GALNT8: variants seen among roughly 807,000 people sequenced by gnomAD.
GALNT8 encodes the protein polypeptide N-acetylgalactosaminyltransferase 8.
In GALNT8, 66 loss-of-function variants were observed where a neutral mutation model predicts 62.7. The ratio of observed to expected loss-of-function variants is 1.05; its 90% CI spans 0.86 to 1.29. The LOEUF is 1.29. GALNT8 is among the 50% of genes most tolerant of loss of function. GALNT8 has a pLI of 0.00. For synonymous variants in GALNT8, 288 were observed against 294.3 expected (o/e 0.98, Z 0.22); for missense variants, 771 against 791.8 (o/e 0.97, Z 0.32).
At chr12:4,745,176 C>T (rs191562234) in intron 4 of GALNT8, among the ~76,000 whole-genome samples, 212 of 152,292 alleles carry the variant, frequency 1.4e-3, no homozygotes, top group Non-Finnish European at 1.4e-3. Context: ...TGCTGCTTCA[C>T]AACGGCCTGG....
intron 3 of GALNT8, among the ~76,000 whole-genome samples, chr12:4,739,733 C>T (rs1374956759): frequency 6.8e-6 from 1 of 147,782 alleles, no homozygotes. Flanking sequence ...GGTGGGATCT[C>T]GGCTCACTGC....
intron 6 of GALNT8, among the ~76,000 whole-genome samples, chr12:4,752,163 T>A (rs1338654285): frequency 1.3e-5 from 2 of 152,130 alleles, no homozygotes; most frequent in Non-Finnish European, 1.5e-5. Context: ...AGTATGTTTC[T>A]TATAGGCAAC....
chr12:4,758,138 C>CA (rs1022101087), intron 6 of GALNT8, among the ~76,000 whole-genome samples: 5 of 151,042 alleles, frequency 3.3e-5, no homozygotes, highest in African/African-American at 4.9e-5. Context: ...CATCCTTTTC[C>CA]TTTTTTTTTG....
At chr12:4,730,685 G>T (rs748401616) in intron 2 of GALNT8, among the ~76,000 whole-genome samples, 42 of 151,912 alleles carry the variant, frequency 2.8e-4, no homozygotes, top group Non-Finnish European at 4.9e-4. Flanking sequence ...AGATTGCTTT[G>T]GCTATTCAGG....
At chr12:4,728,955 G>A (rs1389060314) in intron 2 of GALNT8, among the ~76,000 whole-genome samples, 5 of 152,070 alleles carry the variant, frequency 3.3e-5, no homozygotes. Flanking sequence ...GTAGATTTGT[G>A]GAGGACTTCA....
At chr12:4,721,170 T>C (rs192927244) in intron 1 of GALNT8, among the ~76,000 whole-genome samples, 1 of 152,094 alleles carries the variant, frequency 6.6e-6, no homozygotes, top group Non-Finnish European at 1.5e-5. Context: ...TATATCTACA[T>C]ATGTGCAGGC....
At chr12:4,731,005 C>T (rs893309419) in intron 2 of GALNT8, among the ~76,000 whole-genome samples, 3 of 151,984 alleles carry the variant, frequency 2.0e-5, no homozygotes, top group East Asian at 1.9e-4. Flanking sequence ...CCCACCACCA[C>T]GCCCAGCTAA....
chr12:4,735,526 G>C (rs1946240701), intron 2 of GALNT8, among the ~76,000 whole-genome samples: 1 of 152,162 alleles, frequency 6.6e-6, no homozygotes. Context: ...TCCTCCACTA[G>C]GAATGCAAAA....
chr12:4,750,962 G>C (rs778695401), intron 6 of GALNT8, among the ~76,000 whole-genome samples: 7 of 152,020 alleles, frequency 4.6e-5, no homozygotes, highest in Non-Finnish European at 8.8e-5. Flanking sequence ...AGAGAACCCA[G>C]AAAAAAGACC....
intron 1 of GALNT8, among the ~76,000 whole-genome samples, chr12:4,723,750 C>CTTTT (rs539656719): frequency 8.0e-6 from 1 of 124,930 alleles, no homozygotes. Context: ...ATCACCAATG[C>CTTTT]TTTTTTTTTT....
At position 4,754,387 on chromosome 12, in the gene GALNT8, G is replaced by GTGACTGAGCT. The variant is rs1315571010; in HGVS notation, c.1174-6560_1174-6551dup. On this transcript the variant is annotated intron_variant, in intron 6 of 10. Coordinates refer to ENST00000252318, the MANE Select transcript of GALNT8 (RefSeq NM_017417.2). ...AGTCTACCTCATGTTTTATTATATT[G>GTGACTGAGCT]TGACTGAGCTTGACTGAGCTGGCAC... 2.0e-5 allele frequency among the ~76,000 whole-genome samples: 3 copies of GTGACTGAGCT among 152,178 alleles called. No individual in the cohort carries two copies. The East Asian group carries it at 5.8e-4, about 29-fold the overall frequency.
intron 2 of GALNT8, among the ~76,000 whole-genome samples, chr12:4,728,899 C>G (rs1946208303): frequency 6.6e-6 from 1 of 152,142 alleles, no homozygotes; most frequent in South Asian, 2.1e-4. Context: ...AAGAAACCAG[C>G]AGGATTTTGA....
chr12:4,723,921 C>T (rs1212432215), intron 1 of GALNT8, among the ~76,000 whole-genome samples: 17 of 151,836 alleles, frequency 1.1e-4, no homozygotes, highest in Admixed American at 7.2e-4. Context: ...AAGGCCGAGG[C>T]GGGTGGATCA....
intron 10 of GALNT8, among the ~76,000 whole-genome samples, chr12:4,768,700 G>A (rs895420534): frequency 6.6e-6 from 1 of 152,178 alleles, no homozygotes; most frequent in African/African-American, 2.4e-5. Context: ...AATTTCTGGT[G>A]TGTTACCTAA....
rs1220897892 is a variant in GALNT8, at chr12:4,752,366, A to G, written c.1173+6108A>G. ...TTCCTGTCTTCCTCTAGTGAAGGTG[A>G]TTTTCTCTGTTGATATGATTTAGTT... On this transcript the variant is annotated intron_variant, in intron 6 of 10. Coordinates refer to ENST00000252318, the MANE Select transcript of GALNT8 (RefSeq NM_017417.2). Among the ~76,000 whole-genome samples the G allele has an allele frequency of 2.0e-5, 3 of 149,534 alleles. No homozygotes were observed. The East Asian group carries it at 5.9e-4, about 29-fold the overall frequency.
chr12:4,743,964 G>A (rs1412603135), intron 3 of GALNT8, among the ~76,000 whole-genome samples: 2 of 152,180 alleles, frequency 1.3e-5, no homozygotes, highest in Admixed American at 6.5e-5. Flanking sequence ...AACAATCTAG[G>A]AATAGTGAAT....
chr12:4,771,105 T>C (rs1169660141), intron 10 of GALNT8, among the ~76,000 whole-genome samples: 1 of 152,094 alleles, frequency 6.6e-6, no homozygotes, highest in East Asian at 1.9e-4. Context: ...TGTGGTGTTC[T>C]TGACATTTAG....
chr12:4,766,146 T>C (rs909262877), intron 10 of GALNT8, among the ~76,000 whole-genome samples: 1 of 152,234 alleles, frequency 6.6e-6, no homozygotes, highest in South Asian at 2.1e-4. Context: ...GAATTACTTC[T>C]TGTGGCCCCG....
At chr12:4,730,715 A>G (rs76967910) in intron 2 of GALNT8, among the ~76,000 whole-genome samples, 370 of 152,278 alleles carry the variant, frequency 2.4e-3, no homozygotes, top group African/African-American at 8.5e-3. Context: ...GGTTCCATTT[A>G]GAACTTTTAG....
Sources: gnomAD v4.1 joint callset for allele counts (sites outside exome capture counted in the v4.1 genomes callset) on GRCh38, gnomAD v4.1.1 for gene constraint, MANE v1.5 for transcripts, NCBI Gene and HGNC (gene_info 2026-07-23, HGNC 2026-07-21) for gene names.